KHDRBS1: variants seen among roughly 807,000 people sequenced by gnomAD.
The protein encoded by KHDRBS1 is KH domain-containing, RNA-binding, signal transduction-associated protein 1.
Under a neutral mutation model 48.4 loss-of-function variants are expected in KHDRBS1, and 7 were observed. The observed-to-expected ratio is 0.14, with a 90% CI of 0.08 to 0.27. KHDRBS1 has a LOEUF of 0.27. KHDRBS1 is among the 10% of genes least tolerant of loss of function. The pLI, the probability that KHDRBS1 is intolerant of heterozygous loss-of-function variation, is 1.00. For synonymous variants in KHDRBS1, 241 were observed against 235.8 expected, an observed-to-expected ratio of 1.02 and a Z score of -0.20; for missense variants, 458 against 601.2, an observed-to-expected ratio of 0.76 and a Z score of 2.49.
chr1:32,057,845 G>A (rs1394665023), intron 10 of KHDRBS1, among the ~76,000 whole-genome samples: 3 of 150,476 alleles, frequency 2.0e-5, no homozygotes, highest in Admixed American at 6.6e-5. Context: ...GGCCGGGTGC[G>A]GTGGCTCACA....
chr1:32,021,091 C>T (rs558512838), intron 1 of KHDRBS1, among the ~76,000 whole-genome samples: 2 of 151,874 alleles, frequency 1.3e-5, no homozygotes, highest in African/African-American at 4.8e-5. Context: ...TTTCTTAGAA[C>T]TGCATATAAA....
chr1:32,027,006 G>C (rs1257891845), intron 1 of KHDRBS1, among the ~76,000 whole-genome samples: 2 of 152,184 alleles, frequency 1.3e-5, no homozygotes, highest in Non-Finnish European at 2.9e-5. Flanking sequence ...TGTTGACCAA[G>C]CTGGTCTCGA....
At chr1:32,036,668 G>T (rs949390793) in intron 4 of KHDRBS1, among the ~76,000 whole-genome samples, 2 of 152,092 alleles carry the variant, frequency 1.3e-5, no homozygotes, top group Non-Finnish European at 2.9e-5. Flanking sequence ...TATAGAGAGA[G>T]AATGGAAGTG....
intron 10 of KHDRBS1, among the ~76,000 whole-genome samples, chr1:32,059,872 GT>G (rs1306028413): frequency 3.3e-5 from 5 of 152,132 alleles, no homozygotes; most frequent in Non-Finnish European, 5.9e-5. Context: ...CCCCCCAAAG[GT>G]TTTGTTGATT....
chr1:32,028,405 T>C (rs983017168), intron 1 of KHDRBS1, among the ~76,000 whole-genome samples: 1 of 151,612 alleles, frequency 6.6e-6, no homozygotes, highest in African/African-American at 2.4e-5. Flanking sequence ...GAATGTTATG[T>C]AATATTCTAT....
chr1:32,060,148 C>G (rs936714858), intron 10 of KHDRBS1: 9 of 152,128 alleles, frequency 5.9e-5, no homozygotes, highest in African/African-American at 2.2e-4. Context: ...AATTTTCTAC[C>G]TTGTGTCTTT....
chr1:32,014,639 G>A (rs1277454017), intron 1 of KHDRBS1, among the ~76,000 whole-genome samples: 2 of 152,210 alleles, frequency 1.3e-5, no homozygotes, highest in East Asian at 1.9e-4. Context: ...TGAGCTCCCC[G>A]CCCCTTTCCC....
intron 3 of KHDRBS1, among the ~76,000 whole-genome samples, chr1:32,032,180 A>G (rs557365159): frequency 3.4e-4 from 52 of 152,132 alleles, no homozygotes; most frequent in Admixed American, 1.4e-3. Flanking sequence ...TCCCCATGCC[A>G]TAGCCGCGTA....
At chr1:32,032,896 G>A (rs1639107590) in intron 3 of KHDRBS1, among the ~76,000 whole-genome samples, 1 of 152,072 alleles carries the variant, frequency 6.6e-6, no homozygotes, top group Admixed American at 6.5e-5. Flanking sequence ...CATCACATTG[G>A]TCAGACTGGT....
At chr1:32,014,408 GCCCGGCCAT>G (rs754295067) in intron 1 of KHDRBS1, 31 bp downstream of exon 1, 5 of 1,304,062 alleles carry the variant, frequency 3.8e-6, no homozygotes, top group East Asian at 6.2e-5. Flanking sequence ...CCTCTGGGTC[GCCCGGCCAT>G]CCCGGGCATG....
In KHDRBS1 at chr1:32,042,781, ACT is replaced by A. The variant is rs1569813790; in HGVS notation, c.*160_*161del. 1.8e-6 allele frequency: 1 copy of A among 550,416 alleles called. No individual in the cohort carries two copies. Among genetic ancestry groups the A allele is most frequent in the Non-Finnish European group, 3.3e-6 (1 of 305,130 alleles). 34.1% of individuals were successfully genotyped at this position (550,416 alleles called of 1,614,324 possible). ...TTCTCCCCACCTTATTCCATTCTTA[ACT>A]CTGCATTCTGGCTTCTGTATGTAGT... On this transcript the variant is annotated 3_prime_UTR_variant, in exon 9 of 9. Transcript: ENST00000327300.
intron 10 of KHDRBS1, among the ~76,000 whole-genome samples, chr1:32,054,853 G>C (rs1569827044): frequency 6.6e-6 from 1 of 152,266 alleles, no homozygotes; most frequent in East Asian, 1.9e-4. Flanking sequence ...GTGTGGCCTA[G>C]GGAAGCCAAA....
At chr1:32,019,115 AC>A (rs150909033) in intron 1 of KHDRBS1, among the ~76,000 whole-genome samples, 5,119 of 152,238 alleles carry the variant, frequency 0.034, 280 homozygotes, top group African/African-American at 0.12. Context: ...AAACAAACAA[AC>A]AAAAAACCAG....
chr1:32,030,841 CTT>C (rs777371667), intron 2 of KHDRBS1, among the ~76,000 whole-genome samples: 11 of 141,068 alleles, frequency 7.8e-5, no homozygotes, highest in African/African-American at 1.0e-4. Flanking sequence ...TTTTTTCTTC[CTT>C]TTTTTTTTTT....
At chr1:32,040,728 G>T (rs1418585945) in intron 8 of KHDRBS1, among the ~76,000 whole-genome samples, 1 of 152,204 alleles carries the variant, frequency 6.6e-6, no homozygotes, top group Non-Finnish European at 1.5e-5. Context: ...CAGCATACCT[G>T]AGGGACTTCC....
intron 4 of KHDRBS1, among the ~76,000 whole-genome samples, chr1:32,034,143 C>T (rs1190685555): frequency 6.6e-6 from 1 of 152,150 alleles, no homozygotes; most frequent in Non-Finnish European, 1.5e-5. Flanking sequence ...ATTGAGTAAG[C>T]GTCATGTGTT....
Position 32,043,676 on chromosome 1 carries a change from G to T in KHDRBS1, c.*1052G>T, listed in dbSNP as rs1639323338. 1 of 152,566 alleles carries T rather than the reference G, an allele frequency of 6.6e-6. No individual in the cohort carries two copies. Among genetic ancestry groups the T allele is most frequent in the African/African-American group, 2.4e-5 (1 of 41,432 alleles). The allele number at this position is 152,566 out of a possible 1,614,324, so 9.5% of individuals were successfully genotyped here. A position where few individuals can be genotyped will look rare whatever the true frequency, so the allele number is the denominator to read the frequency against. ...TCTCAACACTAGCATGATATAAAAA[G>T]GGACACTGCAGCTGAATGAAAAAGG... On this transcript the variant is annotated 3_prime_UTR_variant, in exon 9 of 9. Transcript: ENST00000327300.
intron 10 of KHDRBS1, among the ~76,000 whole-genome samples, chr1:32,053,360 A>G (rs758193127): frequency 2.6e-5 from 4 of 152,152 alleles, no homozygotes; most frequent in Non-Finnish European, 4.4e-5. Flanking sequence ...TAGCATAATA[A>G]CACTTTATTA....
chr1:32,029,623 C>T (rs1319624150), intron 1 of KHDRBS1, among the ~76,000 whole-genome samples: 3 of 152,216 alleles, frequency 2.0e-5, no homozygotes, highest in African/African-American at 7.2e-5. Context: ...TGCCATTGCA[C>T]TCCAACCTGG....
Sources: allele counts gnomAD v4.1 joint callset (sites outside exome capture counted in the v4.1 genomes callset), GRCh38; gene constraint gnomAD v4.1.1; transcripts MANE v1.5; gene names NCBI Gene and HGNC (gene_info 2026-07-23, HGNC 2026-07-21).